The following COPG1 variants were observed in gnomAD, a reference collection of about 807,000 sequenced individuals.
COPG1 encodes coat protein complex I subunit gamma 1.
A neutral mutation model predicts 102.8 loss-of-function variants in COPG1; 29 were observed. The ratio of observed to expected loss-of-function variants is 0.28; its 90% CI spans 0.21 to 0.38. The LOEUF (loss-of-function observed/expected upper bound fraction) is 0.38. Ranked by LOEUF, COPG1 falls within the 10% of genes least tolerant of loss-of-function variation. COPG1 has a pLI of 1.00. For synonymous variants in COPG1, 406 were observed against 421.6 expected (o/e 0.96, Z 0.45); for missense variants, 875 against 1,132.7 (o/e 0.77, Z 3.27).
intron 1 of COPG1, 142 bp from the exon 2 acceptor site, chr3:129,250,540 A>T (rs887499277): frequency 3.2e-4 from 214 of 667,616 alleles, no homozygotes; most frequent in Non-Finnish European, 5.3e-4. Flanking sequence ...CCCTAGACAG[A>T]TTGTAGAGGC....
Position 129,257,526 on chromosome 3 carries a change from T to C in COPG1, c.636T>C (p.Asn212=). 1 of 1,614,184 alleles carries C rather than the reference T, an allele frequency of 6.2e-7. No homozygotes were observed. Among genetic ancestry groups the C allele is most frequent in the Non-Finnish European group, 8.5e-7 (1 of 1,180,032 alleles). ...GTAAGAATGACCGCCTAGCCGTCAA[T>C]AAGATGATCAGCAAGGTCACACGGC... ...HVRKNDRLAV[N]KMISKVTRHG... is the part of the protein sequence containing the mutation. The change falls in exon 9 of 24, where the codon AAT becomes AAC. Residue 212 remains asparagine, a synonymous_variant. Coordinates refer to ENST00000314797, the MANE Select transcript of COPG1 (RefSeq NM_016128.4).
chr3:129,254,878 G>A, intron 6 of COPG1, 107 bp from the exon 7 acceptor site: 1 of 1,193,688 alleles, frequency 8.4e-7, no homozygotes, highest in Non-Finnish European at 1.2e-6. Flanking sequence ...GAGCACATGA[G>A]AAACGCTTAC....
chr3:129,265,984 T>G (rs952024271), intron 14 of COPG1, among the ~76,000 whole-genome samples, 192 bp downstream of exon 14: 1 of 152,032 alleles, frequency 6.6e-6, no homozygotes, highest in South Asian at 2.1e-4. Flanking sequence ...GTTTTGTTTT[T>G]TTTTTTGAGA....
chr3:129,272,984 G>C (rs1940209746), intron 21 of COPG1, 80 bp downstream of exon 21: 1 of 698,778 alleles, frequency 1.4e-6, no homozygotes, highest in African/African-American at 1.8e-5. Context: ...AGTGAGACTG[G>C]AGCTGTTTTT....
Position 129,277,696 on chromosome 3 carries a change from A to C in COPG1, c.*272A>C, listed in dbSNP as rs1940307398. ...GGAAAGGGACATTGTAAATGAATAA[A>C]ACATTCTCAACTCCTCTTGAATCTA... On this transcript the variant is annotated 3_prime_UTR_variant, in exon 24 of 24. Coordinates refer to ENST00000314797, the MANE Select transcript of COPG1 (RefSeq NM_016128.4). 1 of 343,120 alleles carries C rather than the reference A, an allele frequency of 2.9e-6. No homozygotes were observed. Among genetic ancestry groups the C allele is most frequent in the Admixed American group, 4.1e-5 (1 of 24,596 alleles). 21.3% of individuals were successfully genotyped at this position (343,120 alleles called of 1,614,324 possible).
In COPG1 at chr3:129,268,589, G is replaced by A; in HGVS notation, c.1743G>A (p.Leu581=). 1 of 1,614,194 alleles carries A rather than the reference G, an allele frequency of 6.2e-7. No individual in the cohort carries two copies. Among genetic ancestry groups the A allele is most frequent in the Non-Finnish European group, 8.5e-7 (1 of 1,180,014 alleles). The change falls in exon 17 of 24, where the codon CTG becomes CTA. Residue 581 remains leucine (L), a synonymous_variant. Coordinates refer to ENST00000314797, the MANE Select transcript of COPG1 (RefSeq NM_016128.4). ...EKPFDLKSVP[L]ATAPMAEQRT... is the part of the protein sequence containing the mutation. ...CTTTTGACCTCAAGTCTGTGCCCCT[G>A]GCCACGGCGCCCATGGCAGAGCAGA...
intron 10 of COPG1, among the ~76,000 whole-genome samples, chr3:129,258,592 G>A (rs139057599): frequency 5.1e-4 from 77 of 152,200 alleles, no homozygotes; most frequent in East Asian, 2.9e-3. Context: ...CGAGTAGCTG[G>A]GACTACAGGC....
rs368986540 is a variant in COPG1, at chr3:129,256,201, G to C, written c.579+47G>C. The C allele has an allele frequency of 8.0e-5, 123 of 1,540,620 alleles. No individual in the cohort carries two copies. The African/African-American group carries it at 1.5e-3, about 19-fold the overall frequency. On this transcript the variant is annotated intron_variant, in intron 8 of 23. Coordinates refer to ENST00000314797, the MANE Select transcript of COPG1 (RefSeq NM_016128.4). ...GATATTTAAAACACTCAGGCAGGTG[G>C]TAAGGCACTGGCCAGTTGGCATGGA... is the stretch of plus-strand genomic sequence containing the variant.
chr3:129,267,211 A>C (rs1419443222), intron 15 of COPG1, 112 bp downstream of exon 15: 1 of 728,090 alleles, frequency 1.4e-6, no homozygotes. Context: ...TTATACAGCT[A>C]CTGATTGTAG....
intron 23 of COPG1, among the ~76,000 whole-genome samples, chr3:129,276,823 CTTTTT>C (rs34883126): frequency 1.5e-5 from 2 of 129,946 alleles, no homozygotes; most frequent in African/African-American, 3.0e-5. Flanking sequence ...CAGTGACTTT[CTTTTT>C]TTTTTTTTTT....
intron 8 of COPG1, 24 bp downstream of exon 8, chr3:129,256,178 T>C: frequency 1.9e-6 from 3 of 1,602,516 alleles, no homozygotes; most frequent in Non-Finnish European, 2.6e-6. Flanking sequence ...AAGGGAGTGA[T>C]ATTTAAAACA....
rs138204806 is a variant in COPG1, at chr3:129,277,334, G to C, written c.2535G>C (p.Arg845=). The part of the protein sequence containing the change: ...RGGHDILVRS[R]LLLLDTVTMQ... ...GTCATGACATCCTGGTGCGCTCCCGGCTGCTGCTTTTGGACACAGTGACAA... is the reference window on the plus strand; with the variant it reads ...GTCATGACATCCTGGTGCGCTCCCGCCTGCTGCTTTTGGACACAGTGACAA... The change falls in exon 24 of 24, where the codon CGG becomes CGC. Residue 845 remains arginine, a synonymous_variant. Transcript: ENST00000314797. 6 of 1,613,854 alleles carry C rather than the reference G, an allele frequency of 3.7e-6. No individual in the cohort carries two copies. The highest frequency in any genetic ancestry group is 5.1e-6 in the Non-Finnish European group (6 of 1,179,988).
At chr3:129,273,072 G>T (rs1021843063) in intron 21 of COPG1, among the ~76,000 whole-genome samples, 168 bp downstream of exon 21, 6 of 151,902 alleles carry the variant, frequency 3.9e-5, no homozygotes, top group African/African-American at 1.5e-4. Context: ...ACCCAGGCTG[G>T]AGTGCAGTGG....
Position 129,275,379 on chromosome 3 carries a change from A to G in COPG1, c.2494+87A>G, listed in dbSNP as rs1940245986. ...CTGGGCTAAGGACTCCACTGTAAAT[A>G]TGGGGAGTCAAAATTCACAGCATTT... On this transcript the variant is annotated intron_variant, in intron 23 of 23. Coordinates refer to ENST00000314797, the MANE Select transcript of COPG1 (RefSeq NM_016128.4). The surrounding 1 kb of genome is among the most constrained non-coding windows in gnomAD (Gnocchi z 5.0). 2 of 914,160 alleles carry G rather than the reference A, an allele frequency of 2.2e-6. No individual in the cohort carries two copies. The highest frequency in any genetic ancestry group is 2.5e-5 in the East Asian group (1 of 40,686). 56.6% of individuals were successfully genotyped at this position (914,160 alleles called of 1,614,324 possible).
rs141655727 is a variant in COPG1 at position 129,260,936 on chromosome 3, A to G, written c.1128+129A>G. 2,748 of 912,464 alleles carry G rather than the reference A, an allele frequency of 3.0e-3. 7 individuals carry two copies. The highest frequency in any genetic ancestry group is 6.9e-3 in the Admixed American group (275 of 39,654). 56.5% of individuals were successfully genotyped at this position (912,464 alleles called of 1,614,324 possible). A position where few individuals can be genotyped will look rare whatever the true frequency, so the allele number is the denominator to read the frequency against. ...CAGCCTTGAGGACTCAGAGGAGGCC[A>G]GCAGTTTGCTCTGCAGAGACTTGGC... On this transcript the variant is annotated intron_variant, in intron 12 of 23. Coordinates refer to ENST00000314797, the MANE Select transcript of COPG1 (RefSeq NM_016128.4).
At chr3:129,264,068 A>G in intron 13 of COPG1, 69 bp downstream of exon 13, 1 of 1,300,544 alleles carries the variant, frequency 7.7e-7, no homozygotes, top group South Asian at 1.2e-5. Flanking sequence ...CACTGGCTCC[A>G]TGCTCAGCTT....
chr3:129,260,372 G>C lies in COPG1; in HGVS notation c.911G>C (p.Arg304Pro). Residue 304 changes from arginine to proline, a missense_variant, in exon 11 of 24, where the codon CGC becomes CCC. Physicochemically the swap from Arg to Pro is moderately radical, Grantham distance 103. Coordinates refer to ENST00000314797, the MANE Select transcript of COPG1 (RefSeq NM_016128.4). ...TGCAGCTCACCCAAGGCTGCTCTCC[G>C]CTATGCTGCTGTTCGTACCCTCAAT... ...LFCSSPKAAL[R>P]YAAVRTLNKV... is the part of the protein sequence containing the mutation. 1 of 1,614,126 alleles carries C rather than the reference G, an allele frequency of 6.2e-7. No individual in the cohort carries two copies. The highest frequency in any genetic ancestry group is 8.5e-7 in the Non-Finnish European group (1 of 1,180,008).
chr3:129,272,700 G>C, intron 20 of COPG1, 107 bp from the exon 21 acceptor site: 1 of 676,706 alleles, frequency 1.5e-6, no homozygotes, highest in South Asian at 1.9e-5. Flanking sequence ...TAACATAGCA[G>C]GGGCCTAGAA....
At chr3:129,252,482 C>T in intron 3 of COPG1, 121 bp downstream of exon 3, 2 of 1,018,194 alleles carry the variant, frequency 2.0e-6, no homozygotes, top group Middle Eastern at 2.1e-4. Flanking sequence ...AACAGCTCAG[C>T]TCTGGGTCCC....
Sources: gnomAD v4.1 joint callset for allele counts (sites outside exome capture counted in the v4.1 genomes callset) on GRCh38, gnomAD v4.1.1 for gene constraint, Gnocchi (gnomAD v3.1) non-coding constraint, MANE v1.5 for transcripts, NCBI Gene and HGNC (gene_info 2026-07-23, HGNC 2026-07-21) for gene names.